AK4: variants seen among roughly 807,000 people sequenced by gnomAD.
The protein encoded by AK4 is adenylate kinase 4, also known as adenylate kinase 4, mitochondrial.
In AK4, 13 loss-of-function variants were observed where a neutral mutation model predicts 24.6. The ratio of observed to expected loss-of-function variants is 0.53; its 90% confidence interval spans 0.34 to 0.84. The LOEUF (loss-of-function observed/expected upper bound fraction) is 0.84, where lower values mean the gene tolerates loss of function less well. Among genes scored for constraint, AK4 ranks in the 40% least tolerant of loss-of-function variants. AK4 has a pLI of 0.01. For missense variants in AK4, 192 were observed against 288.2 expected, an observed-to-expected ratio of 0.67 and a Z score of 2.42; for synonymous variants, 88 against 107.0, an observed-to-expected ratio of 0.82 and a Z score of 1.10.
intron 1 of AK4, among the ~76,000 whole-genome samples, chr1:65,173,728 T>C (rs1378588199): frequency 6.6e-6 from 1 of 152,030 alleles, no homozygotes; most frequent in African/African-American, 2.4e-5. Flanking sequence ...CCAGGCGTGG[T>C]AGCGCACGCC....
At chr1:65,203,574 T>A (rs1414382209) in intron 2 of AK4, among the ~76,000 whole-genome samples, 1 of 151,878 alleles carries the variant, frequency 6.6e-6, no homozygotes, top group African/African-American at 2.4e-5. Context: ...GAGGACGAGG[T>A]GGGTGGATCA....
chr1:65,185,620 C>T (rs1651070056), intron 1 of AK4, among the ~76,000 whole-genome samples: 1 of 146,504 alleles, frequency 6.8e-6, no homozygotes, highest in Middle Eastern at 3.5e-3. Context: ...CCGAATATGA[C>T]CATCTTTTTT....
At chr1:65,191,565 G>A (rs1651307603) in intron 2 of AK4, among the ~76,000 whole-genome samples, 1 of 151,122 alleles carries the variant, frequency 6.6e-6, no homozygotes, top group Non-Finnish European at 1.5e-5. Flanking sequence ...TTTCAGCAGA[G>A]GGACAATGTG....
At chr1:65,173,120 T>C (rs1399377881) in intron 1 of AK4, among the ~76,000 whole-genome samples, 3 of 152,158 alleles carry the variant, frequency 2.0e-5, no homozygotes, top group Non-Finnish European at 2.9e-5. Flanking sequence ...TGACTTGGCC[T>C]CCCAAAGTGC....
chr1:65,172,063 G>GTATATATATATATATATATA lies in AK4; in HGVS notation c.146-18625_146-18606dup, dbSNP rs3051712. On this transcript the variant is annotated intron_variant, in intron 1 of 4. Coordinates refer to ENST00000327299, the MANE Select transcript of AK4 (RefSeq NM_013410.4). The stretch of plus-strand genomic sequence containing the variant: ...GCAACAGAGAGAGACTCCATCTCAA[G>GTATATATATATATATATATA]TATATATATATATATATATATATAT... Among the ~76,000 whole-genome samples, 151 of 65,712 alleles carry GTATATATATATATATATATA rather than the reference G, an allele frequency of 2.3e-3. 7 individuals carry two copies. The highest frequency in any genetic ancestry group is 9.3e-3 in the Middle Eastern group (1 of 108). The allele number at this position is 65,712 out of a possible 152,430, so 43.1% of individuals were successfully genotyped here.
chr1:65,189,664 C>G (rs1297488753), intron 1 of AK4, among the ~76,000 whole-genome samples: 4 of 136,772 alleles, frequency 2.9e-5, no homozygotes, highest in Non-Finnish European at 3.1e-5. Flanking sequence ...TGCACACACA[C>G]ACACACACAC....
chr1:65,150,353 C>T (rs1649730641), intron 1 of AK4, among the ~76,000 whole-genome samples: 1 of 149,250 alleles, frequency 6.7e-6, no homozygotes, highest in Non-Finnish European at 1.5e-5. Flanking sequence ...CCTTCATTTC[C>T]TCCCCAGTGA....
At chr1:65,160,787 G>A (rs968885297) in intron 1 of AK4, among the ~76,000 whole-genome samples, 3 of 152,108 alleles carry the variant, frequency 2.0e-5, no homozygotes, top group Non-Finnish European at 4.4e-5. Flanking sequence ...TAGAGACAAG[G>A]TCTCACTATA....
intron 1 of AK4, among the ~76,000 whole-genome samples, chr1:65,162,195 A>G (rs1216458645): frequency 6.6e-6 from 1 of 152,104 alleles, no homozygotes; most frequent in Non-Finnish European, 1.5e-5. Flanking sequence ...GCAGTGAGCT[A>G]TGGTCACACC....
rs149962491 is a variant in AK4, at chr1:65,207,707, C to T, written c.266-11047C>T. On this transcript the variant is annotated intron_variant, in intron 2 of 4. Coordinates refer to ENST00000327299, the MANE Select transcript of AK4 (RefSeq NM_013410.4). The stretch of plus-strand genomic sequence containing the variant: ...TCCAACCTGCACCCTGGTCCTGGTT[C>T]AAGCAGTCCCTGTTGTCTGCTGTGC... Among the ~76,000 whole-genome samples, 462 of 152,230 alleles carry T rather than the reference C, an allele frequency of 3.0e-3. 4 individuals carry two copies. Among genetic ancestry groups the T allele is most frequent in the African/African-American group, 9.5e-3 (395 of 41,518 alleles).
intron 2 of AK4, among the ~76,000 whole-genome samples, chr1:65,216,816 T>A (rs1652147901): frequency 7.7e-6 from 1 of 129,718 alleles, no homozygotes; most frequent in South Asian, 2.1e-4. Flanking sequence ...CCACCTCAGC[T>A]TCCCAAGTAC....
chr1:65,196,234 C>T (rs1330542687), intron 2 of AK4, among the ~76,000 whole-genome samples: 2 of 152,074 alleles, frequency 1.3e-5, no homozygotes, highest in Non-Finnish European at 2.9e-5. Context: ...AAAAGGCATT[C>T]TGATGACAGA....
At chr1:65,211,607 TAC>T (rs895048625) in intron 2 of AK4, among the ~76,000 whole-genome samples, 6 of 152,246 alleles carry the variant, frequency 3.9e-5, no homozygotes, top group Non-Finnish European at 5.9e-5. Flanking sequence ...CATTGGTTTT[TAC>T]AGTTTTAAAA....
chr1:65,152,384 ATTTTTTTTTTTTTTTTT>A (rs552572978), intron 1 of AK4, among the ~76,000 whole-genome samples: 9 of 16,458 alleles, frequency 5.5e-4, no homozygotes, highest in African/African-American at 9.8e-4. Flanking sequence ...ATATATATAT[ATTTTTTTTTTTTTTTTT>A]TTTTTTTTTT....
chr1:65,196,435 G>A (rs968370936), intron 2 of AK4, among the ~76,000 whole-genome samples: 3 of 152,098 alleles, frequency 2.0e-5, no homozygotes, highest in South Asian at 2.1e-4. Context: ...TCCCTTCACT[G>A]TGCTTTCCAG....
chr1:65,179,563 G>A (rs1382797628), intron 1 of AK4, among the ~76,000 whole-genome samples: 2 of 152,186 alleles, frequency 1.3e-5, no homozygotes, highest in Non-Finnish European at 2.9e-5. Context: ...AATCGGCCAG[G>A]TGTGGTGGCT....
intron 1 of AK4, among the ~76,000 whole-genome samples, chr1:65,152,316 A>ATCTC (rs1158775260): frequency 0.012 from 380 of 32,432 alleles, 6 homozygotes; most frequent in Middle Eastern, 0.038. Context: ...TGCACTTGCT[A>ATCTC]TCTCTCTCTC....
intron 1 of AK4, among the ~76,000 whole-genome samples, chr1:65,189,360 C>G (rs1179369537): frequency 6.7e-6 from 1 of 148,420 alleles, no homozygotes; most frequent in Admixed American, 6.8e-5. Context: ...CTCACTGCAA[C>G]CTGCGCCTCC....
intron 1 of AK4, among the ~76,000 whole-genome samples, chr1:65,190,333 G>A (rs1651254843): frequency 1.3e-5 from 2 of 150,454 alleles, no homozygotes; most frequent in East Asian, 2.0e-4. Context: ...ATGAGCTTGA[G>A]CTCCCTGCAA....
Sources: allele counts gnomAD v4.1 joint callset (sites outside exome capture counted in the v4.1 genomes callset), GRCh38; gene constraint gnomAD v4.1.1; transcripts MANE v1.5; gene names NCBI Gene and HGNC (gene_info 2026-07-23, HGNC 2026-07-21).